Variants in EZH2 observed in about 807,000 individuals in gnomAD.
The protein encoded by EZH2 is enhancer of zeste 2 polycomb repressive complex 2 subunit.
Under a neutral mutation model 98.4 loss-of-function variants are expected in EZH2, and 18 were observed. That is an observed-to-expected ratio of 0.18 (90% confidence interval 0.13 to 0.27). The LOEUF is 0.27. EZH2 is among the 10% of genes least tolerant of loss of function. The probability of loss-of-function intolerance (pLI) is 1.00; values close to 1 mark genes in which losing one functional copy is unlikely to be tolerated. For missense variants in EZH2, 470 were observed against 935.1 expected (o/e 0.50, Z 6.49); for synonymous variants, 338 against 312.3 (o/e 1.08, Z -0.87).
At chr7:148,874,301 T>C (rs6963116) in intron 1 of EZH2, among the ~76,000 whole-genome samples, 25,392 of 152,084 alleles carry the variant, frequency 0.17, 2,248 homozygotes, top group East Asian at 0.25. Flanking sequence ...TGTGGGAGGA[T>C]TGTTTCAGCC....
intron 1 of EZH2, among the ~76,000 whole-genome samples, chr7:148,871,694 C>T (rs543634635): frequency 9.9e-5 from 15 of 151,966 alleles, no homozygotes; most frequent in Middle Eastern, 6.8e-3. Flanking sequence ...CCTGTCTCAG[C>T]CTCCTAAGTA....
intron 3 of EZH2, among the ~76,000 whole-genome samples, chr7:148,839,736 G>A (rs1811956516): frequency 6.6e-6 from 1 of 151,904 alleles, no homozygotes; most frequent in South Asian, 2.1e-4. Context: ...TAGTAAAGAT[G>A]GGCTTTCACC....
intron 8 of EZH2, among the ~76,000 whole-genome samples, chr7:148,822,373 G>C (rs930211989): frequency 6.6e-6 from 1 of 151,768 alleles, no homozygotes; most frequent in Non-Finnish European, 1.5e-5. Context: ...AGCTGGATGT[G>C]GTAGCACATG....
At chr7:148,815,725 C>G (rs1327588755) in intron 12 of EZH2, among the ~76,000 whole-genome samples, 179 bp from the exon 13 acceptor site, 1 of 152,218 alleles carries the variant, frequency 6.6e-6, no homozygotes, top group Non-Finnish European at 1.5e-5. Flanking sequence ...CTTGATGGCT[C>G]AGGCTGCCCC....
chr7:148,829,919 CCTTT>C, intron 4 of EZH2, 71 bp from the exon 5 acceptor site: 1 of 1,203,736 alleles, frequency 8.3e-7, no homozygotes, highest in South Asian at 1.5e-5. Context: ...TAAAATACAA[CCTTT>C]TTTTCATGTG....
At chr7:148,853,905 C>T (rs996575343) in intron 1 of EZH2, among the ~76,000 whole-genome samples, 2 of 152,168 alleles carry the variant, frequency 1.3e-5, no homozygotes, top group African/African-American at 4.8e-5. Flanking sequence ...AGTAGAGCTT[C>T]CTCCATCCTC....
chr7:148,828,585 G>T (rs528906829), intron 6 of EZH2, among the ~76,000 whole-genome samples, 155 bp downstream of exon 6: 1 of 152,034 alleles, frequency 6.6e-6, no homozygotes, highest in Non-Finnish European at 1.5e-5. Context: ...ACCCTACCTG[G>T]CCATAATATG....
At chr7:148,876,683 A>AC (rs1032611065) in intron 1 of EZH2, among the ~76,000 whole-genome samples, 17 of 152,142 alleles carry the variant, frequency 1.1e-4, no homozygotes, top group South Asian at 4.2e-4. Context: ...AATACTATGC[A>AC]CCCCCCTTAC....
chr7:148,825,801 A>G (rs540596105), intron 8 of EZH2, among the ~76,000 whole-genome samples: 24 of 152,380 alleles, frequency 1.6e-4, no homozygotes, highest in African/African-American at 5.5e-4. Context: ...ATTAGGAAGT[A>G]TTAAATACAT....
At chr7:148,844,507 G>A (rs987026586) in intron 3 of EZH2, among the ~76,000 whole-genome samples, 1 of 152,174 alleles carries the variant, frequency 6.6e-6, no homozygotes, top group African/African-American at 2.4e-5. Context: ...TCAGGTCAGA[G>A]TTCTATGCAA....
chr7:148,868,814 T>C (rs543048667), intron 1 of EZH2, among the ~76,000 whole-genome samples: 10 of 152,150 alleles, frequency 6.6e-5, no homozygotes, highest in Admixed American at 1.3e-4. Flanking sequence ...CCCTAATGGG[T>C]AAAAGACTAA....
At chr7:148,829,641 T>A (rs192593301) in intron 5 of EZH2, 87 bp downstream of exon 5, 3 of 1,434,474 alleles carry the variant, frequency 2.1e-6, no homozygotes, top group Non-Finnish European at 2.8e-6. Context: ...AATATTAAAA[T>A]TTTTCTCATG....
At chr7:148,838,498 G>GT (rs1386744708) in intron 3 of EZH2, among the ~76,000 whole-genome samples, 8 of 152,100 alleles carry the variant, frequency 5.3e-5, no homozygotes, top group Non-Finnish European at 1.2e-4. Flanking sequence ...ATCACAGGTA[G>GT]TAAGCACTCA....
At chr7:148,824,218 G>C (rs1807010071) in intron 8 of EZH2, among the ~76,000 whole-genome samples, 1 of 143,788 alleles carries the variant, frequency 7.0e-6, no homozygotes, top group African/African-American at 2.5e-5. Context: ...AGGAGGCTGA[G>C]ACAGGAGAAT....
intron 8 of EZH2, among the ~76,000 whole-genome samples, chr7:148,825,547 A>C (rs940908067): frequency 6.6e-6 from 1 of 152,182 alleles, no homozygotes; most frequent in South Asian, 2.1e-4. Context: ...ACTTAGGAGG[A>C]GGTGAGGTAC....
At chr7:148,883,855 G>C (rs1216032372) in intron 1 of EZH2, among the ~76,000 whole-genome samples, 3 of 151,672 alleles carry the variant, frequency 2.0e-5, no homozygotes, top group Non-Finnish European at 4.4e-5. Context: ...CGGCCCCGGC[G>C]CCCCGGCCAG....
intron 8 of EZH2, among the ~76,000 whole-genome samples, chr7:148,824,855 T>A (rs1194277897): frequency 2.6e-5 from 4 of 152,076 alleles, no homozygotes; most frequent in African/African-American, 4.8e-5. Flanking sequence ...GGCCACCAAA[T>A]GCTACAAGGA....
chr7:148,856,190 C>T (rs1374085215), intron 1 of EZH2, among the ~76,000 whole-genome samples: 2 of 152,118 alleles, frequency 1.3e-5, no homozygotes, highest in African/African-American at 4.8e-5. Flanking sequence ...CTACTCTGTA[C>T]TCTAGCTGGT....
In EZH2 at chr7:148,825,297, T is replaced by G. The variant is rs540814574; in HGVS notation, c.907+1157A>C. ...ACTGTCCAATGGCTGAAGCAACAAA[T>G]GGATGACTTACTACGAATTTTTAAA... On this transcript the variant is annotated intron_variant, in intron 8 of 19. Transcript: ENST00000320356. Among the ~76,000 whole-genome samples, 7 of 152,278 alleles carry G rather than the reference T, an allele frequency of 4.6e-5. No homozygotes were observed. In the East Asian group the frequency reaches 1.3e-3, roughly 29 times the overall value.
Sources: gnomAD v4.1 joint callset for allele counts (sites outside exome capture counted in the v4.1 genomes callset) on GRCh38, gnomAD v4.1.1 for gene constraint, MANE v1.5 for transcripts, NCBI Gene and HGNC (gene_info 2026-07-23, HGNC 2026-07-21) for gene names.